ANXA8: variants seen among roughly 807,000 people sequenced by gnomAD.
ANXA8 encodes annexin A8, also known as VAC-beta.
A neutral mutation model predicts 26.8 loss-of-function variants in ANXA8; 9 were observed. The ratio of observed to expected loss-of-function variants is 0.34; its 90% CI spans 0.20 to 0.59. The LOEUF (loss-of-function observed/expected upper bound fraction) is 0.59, where lower values mean the gene tolerates loss of function less well. ANXA8 is among the 20% of genes least tolerant of loss of function. The probability of loss-of-function intolerance (pLI) is 0.84; values close to 1 mark genes in which losing one functional copy is unlikely to be tolerated. For missense variants in ANXA8, 83 were observed against 238.5 expected (o/e 0.35, Z 4.29); for synonymous variants, 39 against 94.8 (o/e 0.41, Z 3.42).
At chr10:47,488,713 ATTTTTTTTTTTTT>A (rs1160121365), upstream of ANXA8, among the ~76,000 whole-genome samples, 423 of 62,100 alleles carry the variant, frequency 6.8e-3, 1 homozygote, top group South Asian at 8.6e-3. Flanking sequence ...TACATGTTAA[ATTTTTTTTTTTTT>A]TTTTTTTTTT....
At chr10:47,558,431 A>T in the ANXA8 span, among the ~76,000 whole-genome samples, 8 of 151,730 alleles carry the variant, frequency 5.3e-5, no homozygotes, top group Non-Finnish European at 1.0e-4. Flanking sequence ...GCTCTTTGTT[A>T]AAAGTATTTA....
the ANXA8 span, among the ~76,000 whole-genome samples, chr10:47,559,015 G>T: frequency 1.3e-5 from 2 of 151,492 alleles, no homozygotes; most frequent in Non-Finnish European, 2.9e-5. Flanking sequence ...GCATTAAAAA[G>T]GGCTAAGCTT....
chr10:47,469,273 G>A (rs1229734897), intron 11 of ANXA8, among the ~76,000 whole-genome samples: 1 of 150,814 alleles, frequency 6.6e-6, no homozygotes, highest in Non-Finnish European at 1.5e-5. Context: ...CACCTGCTGT[G>A]GCAGCTTGGG....
chr10:47,745,692 G>A, the ANXA8 span, among the ~76,000 whole-genome samples: 3 of 137,746 alleles, frequency 2.2e-5, no homozygotes, highest in Non-Finnish European at 4.8e-5. Context: ...GCACAGCCAA[G>A]CACAAATTCC....
the ANXA8 span, among the ~76,000 whole-genome samples, chr10:47,888,980 ATATGTGTG>A: frequency 8.1e-4 from 52 of 64,216 alleles, 12 homozygotes; most frequent in African/African-American, 2.9e-3. Context: ...AATATAATAT[ATATGTGTG>A]TGTGTGTGTG....
At chr10:47,627,821 G>A in the ANXA8 span, among the ~76,000 whole-genome samples, 2 of 149,154 alleles carry the variant, frequency 1.3e-5, no homozygotes, top group African/African-American at 2.6e-5. Flanking sequence ...CCAAAAATCT[G>A]TAACTAAGTT....
At chr10:47,772,503 C>G in the ANXA8 span, among the ~76,000 whole-genome samples, 1 of 152,136 alleles carries the variant, frequency 6.6e-6, no homozygotes, top group Non-Finnish European at 1.5e-5. Context: ...GTGTATCTGA[C>G]CTTTTCAGTC....
At chr10:47,647,087 A>C in the ANXA8 span, among the ~76,000 whole-genome samples, 1 of 152,256 alleles carries the variant, frequency 6.6e-6, no homozygotes, top group African/African-American at 2.4e-5. Flanking sequence ...GAGGAGTTCC[A>C]TCTGGCTCAA....
At chr10:47,729,404 G>A in the ANXA8 span, among the ~76,000 whole-genome samples, 1 of 143,028 alleles carries the variant, frequency 7.0e-6, no homozygotes, top group Non-Finnish European at 1.5e-5. Flanking sequence ...GGTTAGTACA[G>A]TCTGAGCATG....
the ANXA8 span, among the ~76,000 whole-genome samples, chr10:47,666,543 G>A: frequency 6.6e-6 from 1 of 151,894 alleles, no homozygotes; most frequent in African/African-American, 2.4e-5. Flanking sequence ...CTGGAGTTAT[G>A]ATGTCGTGCA....
the ANXA8 span, among the ~76,000 whole-genome samples, chr10:47,499,913 A>G: frequency 2.0e-5 from 3 of 148,866 alleles, no homozygotes; most frequent in Non-Finnish European, 3.0e-5. Flanking sequence ...GGCCACAGGC[A>G]TGTGCCACCA....
the ANXA8 span, among the ~76,000 whole-genome samples, chr10:47,766,924 GA>G: frequency 6.6e-6 from 1 of 151,892 alleles, no homozygotes. Context: ...TGGCCAAGCG[GA>G]AGTTGTATTT....
chr10:47,966,933 C>T, the ANXA8 span, among the ~76,000 whole-genome samples: 6 of 146,962 alleles, frequency 4.1e-5, no homozygotes, highest in African/African-American at 1.2e-4. Context: ...AAAAGCATAA[C>T]TTGCATATGA....
At chr10:47,941,434 C>T in the ANXA8 span, among the ~76,000 whole-genome samples, 7 of 146,670 alleles carry the variant, frequency 4.8e-5, 3 homozygotes, top group African/African-American at 1.8e-4. Context: ...GTAGATGGAT[C>T]ACTTGAGGTC....
At chr10:47,757,912 T>A in the ANXA8 span, 1 of 1,580,404 alleles carries the variant, frequency 6.3e-7, no homozygotes, top group Non-Finnish European at 8.6e-7. Flanking sequence ...ATGGTGACCT[T>A]GACCATACCT....
chr10:47,575,278 A>AAAAGT, the ANXA8 span, among the ~76,000 whole-genome samples: 1 of 130,082 alleles, frequency 7.7e-6, no homozygotes, highest in African/African-American at 2.9e-5. Context: ...AGAAAGAAAG[A>AAAAGT]AAAGTAAATC....
the ANXA8 span, among the ~76,000 whole-genome samples, chr10:47,955,063 C>T: frequency 0.12 from 13,461 of 116,234 alleles, 727 homozygotes; most frequent in Non-Finnish European, 0.16. Context: ...CAGTGGAGGG[C>T]AATGGAATCA....
At chr10:47,756,883 G>A in the ANXA8 span, among the ~76,000 whole-genome samples, 1 of 144,818 alleles carries the variant, frequency 6.9e-6, no homozygotes, top group Non-Finnish European at 1.5e-5. Context: ...GCCGCTGATG[G>A]AAAGGTGGAG....
the ANXA8 span, among the ~76,000 whole-genome samples, chr10:47,656,063 A>G: frequency 3.3e-5 from 5 of 151,570 alleles, no homozygotes; most frequent in African/African-American, 1.2e-4. Flanking sequence ...GGTAGCAGAT[A>G]AGAGGTAAGG....
Sources: allele counts gnomAD v4.1 joint callset (sites outside exome capture counted in the v4.1 genomes callset), GRCh38; gene constraint gnomAD v4.1.1; transcripts MANE v1.5; gene names NCBI Gene and HGNC (gene_info 2026-07-23, HGNC 2026-07-21).